MYO16: variants seen among roughly 807,000 people sequenced by gnomAD.
The protein encoded by MYO16 is unconventional myosin-XVI.
In MYO16, 94 loss-of-function variants were observed where a neutral mutation model predicts 205.3. That is an observed-to-expected ratio of 0.46 (90% CI 0.39 to 0.54). The LOEUF is 0.54. Ranked by LOEUF, MYO16 falls within the 20% of genes least tolerant of loss-of-function variation. The pLI is 0.00. For missense variants in MYO16, 2,315 were observed against 2,387.5 expected, an observed-to-expected ratio of 0.97 and a Z score of 0.63; for synonymous variants, 988 against 954.0, an observed-to-expected ratio of 1.04 and a Z score of -0.66.
intron 20 of MYO16, among the ~76,000 whole-genome samples, chr13:108,975,992 A>G (rs1456206821): frequency 1.3e-5 from 2 of 152,158 alleles, no homozygotes; most frequent in Non-Finnish European, 1.5e-5. Flanking sequence ...CCCACATGCA[A>G]TTCACCCTTA....
chr13:108,608,444 C>A (rs374133011), intron 1 of MYO16, among the ~76,000 whole-genome samples: 1 of 152,158 alleles, frequency 6.6e-6, no homozygotes, highest in East Asian at 1.9e-4. Context: ...TCGGACCTAG[C>A]CAGAACCCTT....
chr13:108,981,170 G>A (rs1884435439), intron 20 of MYO16, among the ~76,000 whole-genome samples: 1 of 152,202 alleles, frequency 6.6e-6, no homozygotes, highest in Non-Finnish European at 1.5e-5. Context: ...ATGTGAATAT[G>A]GACATGCCCC....
At chr13:109,015,835 A>C (rs542932622) in intron 22 of MYO16, among the ~76,000 whole-genome samples, 4 of 151,596 alleles carry the variant, frequency 2.6e-5, no homozygotes, top group African/African-American at 9.7e-5. Context: ...TATTGTGTCT[A>C]TTCTATTCTT....
intron 7 of MYO16, among the ~76,000 whole-genome samples, chr13:108,816,418 C>T (rs1029067967): frequency 6.9e-6 from 1 of 144,744 alleles, no homozygotes; most frequent in African/African-American, 2.5e-5. Flanking sequence ...TAGCGCCCCC[C>T]ACCCACCCCA....
chr13:109,076,306 GTTCTT>G (rs1250277813), intron 27 of MYO16, among the ~76,000 whole-genome samples: 1 of 151,740 alleles, frequency 6.6e-6, no homozygotes, highest in African/African-American at 2.4e-5. Context: ...GGTTTATTTA[GTTCTT>G]TTCTTTCCTA....
At chr13:108,645,589 G>T (rs185215207) in intron 1 of MYO16, among the ~76,000 whole-genome samples, 1 of 152,250 alleles carries the variant, frequency 6.6e-6, no homozygotes, top group East Asian at 1.9e-4. Context: ...CATCTACAAG[G>T]ATTCTGGGGA....
Position 109,162,387 on chromosome 13 carries a change from G to C in MYO16, c.5165-2514G>C, listed in dbSNP as rs1296758741. 6.6e-6 allele frequency among the ~76,000 whole-genome samples: 1 copy of C among 152,152 alleles called. No individual in the cohort carries two copies. Among genetic ancestry groups the C allele is most frequent in the African/African-American group, 2.4e-5 (1 of 41,430 alleles). ...AAAACCTCTCAGTTCCTCTTTGGTG[G>C]TTTCCCAGGCCCTGACTCATTAGTA... On this transcript the variant is annotated intron_variant, in intron 32 of 34. Transcript: ENST00000457511. This position sits in a 1 kb window ranked among gnomAD's most constrained non-coding sequence, Gnocchi z 4.6.
chr13:109,055,402 G>C lies in MYO16; in HGVS notation c.3142G>C (p.Asp1048His). ...CTTCTCTCCTTAGAAATCACTAATG[G>C]ATATTATTGGAAAACTTCAGAAGTG... is the stretch of plus-strand genomic sequence containing the variant. The part of the protein sequence containing the change: ...IASQLRKSLM[D>H]IIGKLQKCTP... The change falls in exon 27 of 35, where the codon GAT (aspartate) becomes CAT (histidine). Residue 1048 changes from aspartate to histidine, a missense_variant. This residue lies in a region of MYO16 where 1,213 missense variants were observed against 1,274.4 expected (regional missense o/e 0.95). Coordinates refer to ENST00000457511, the MANE Select transcript of MYO16 (RefSeq NM_001198950.3). This position sits in a 1 kb window ranked among gnomAD's most constrained non-coding sequence, Gnocchi z 5.0. 6.2e-7 allele frequency: 1 copy of C among 1,610,872 alleles called. No individual in the cohort carries two copies. The highest frequency in any genetic ancestry group is 2.2e-5 in the East Asian group (1 of 44,838).
chr13:108,969,891 G>C (rs1002863774), intron 20 of MYO16, among the ~76,000 whole-genome samples: 5 of 152,194 alleles, frequency 3.3e-5, no homozygotes, highest in African/African-American at 1.2e-4. Flanking sequence ...AGAGGATTTG[G>C]TGTAGAATTT....
chr13:108,855,243 T>G, intron 10 of MYO16, 200 bp from the exon 11 acceptor site: 1 of 405,524 alleles, frequency 2.5e-6, no homozygotes, highest in Non-Finnish European at 4.5e-6. Context: ...GCACAAAAAT[T>G]CTCATCTGAA....
At position 108,907,506 on chromosome 13, in the gene MYO16, C is replaced by T. The variant is rs1243454727; in HGVS notation, c.1778-2497C>T. 3.3e-5 allele frequency among the ~76,000 whole-genome samples: 5 copies of T among 152,156 alleles called. No homozygotes were observed. In the East Asian group the frequency reaches 7.7e-4, roughly 23 times the overall value. On this transcript the variant is annotated intron_variant, in intron 15 of 34. Coordinates refer to ENST00000457511, the MANE Select transcript of MYO16 (RefSeq NM_001198950.3). ...CTTTTTAACTTAGAAGCCCATCATA[C>T]TCCTTCCATTTTTACCGTTTCACTT...
At chr13:108,714,699 C>T (rs1047062495) in intron 3 of MYO16, among the ~76,000 whole-genome samples, 7 of 151,940 alleles carry the variant, frequency 4.6e-5, no homozygotes, top group African/African-American at 1.7e-4. Context: ...TTGTAAAGAC[C>T]ACCAAATCAA....
In MYO16 at chr13:108,738,183, G is replaced by A. The variant is rs565804044; in HGVS notation, c.507+10600G>A. On this transcript the variant is annotated intron_variant, in intron 4 of 34. Coordinates refer to ENST00000457511, the MANE Select transcript of MYO16 (RefSeq NM_001198950.3). ...TATCTCTTGCGTTCTGCTAGCTTTT[G>A]AATGTTTTTCTCTTGCTTCTCTAGT... 2.4e-3 allele frequency among the ~76,000 whole-genome samples: 13 copies of A among 5,392 alleles called. No individual in the cohort carries two copies. The East Asian group carries it at 0.34, about 142-fold the overall frequency. The allele number at this position is 5,392 out of a possible 152,430, so 3.5% of individuals were successfully genotyped here. A position where few individuals can be genotyped will look rare whatever the true frequency, so the allele number is the denominator to read the frequency against.
At chr13:108,965,311 A>G (rs4771620) in intron 20 of MYO16, among the ~76,000 whole-genome samples, 90,040 of 152,072 alleles carry the variant, frequency 0.59, 29,401 homozygotes, top group South Asian at 0.82. Context: ...TGGGTTTTGG[A>G]TCAGTAATTC....
intron 27 of MYO16, among the ~76,000 whole-genome samples, chr13:109,071,274 T>G (rs965690609): frequency 5.9e-5 from 9 of 152,186 alleles, no homozygotes; most frequent in Non-Finnish European, 1.5e-5. Flanking sequence ...AGTTCCCAAC[T>G]ACTGTCTCTA....
At chr13:109,179,686 A>G in intron 34 of MYO16, 53 bp downstream of exon 34, 2 of 1,425,562 alleles carry the variant, frequency 1.4e-6, no homozygotes, top group Non-Finnish European at 2.0e-6. Context: ...TTAAGTTATG[A>G]CAAGGCATTC....
At chr13:108,668,184 A>G (rs1881825149) in intron 2 of MYO16, among the ~76,000 whole-genome samples, 1 of 152,220 alleles carries the variant, frequency 6.6e-6, no homozygotes, top group Non-Finnish European at 1.5e-5. Flanking sequence ...TTATTATATA[A>G]GTTACGTTTC....
intron 2 of MYO16, among the ~76,000 whole-genome samples, chr13:108,696,088 G>T (rs1284101073): frequency 6.6e-6 from 1 of 152,118 alleles, no homozygotes; most frequent in Non-Finnish European, 1.5e-5. Context: ...ATCCATGGAC[G>T]ATAGCATTGC....
In MYO16 at chr13:109,127,375, G is replaced by T. The variant is rs776121170; in HGVS notation, c.3876G>T (p.Pro1292=). 6.2e-7 allele frequency: 1 copy of T among 1,613,752 alleles called. No homozygotes were observed. The highest frequency in any genetic ancestry group is 1.1e-5 in the South Asian group (1 of 90,970). The part of the protein sequence containing the change: ...VDGLGQCLVG[P]SIWSPSLHSV... ...GCCTGGGCCAGTGCCTCGTTGGCCC[G>T]TCCATCTGGTCTCCTTCGCTGCACT... is the stretch of plus-strand genomic sequence containing the variant. Residue 1292 remains proline (P), a synonymous_variant, in exon 31 of 35, where the codon CCG becomes CCT. Coordinates refer to ENST00000457511, the MANE Select transcript of MYO16 (RefSeq NM_001198950.3). The surrounding 1 kb of genome is among the most constrained non-coding windows in gnomAD (Gnocchi z 4.2).
Sources: allele counts gnomAD v4.1 joint callset (sites outside exome capture counted in the v4.1 genomes callset), GRCh38; gene constraint gnomAD v4.1.1; regional missense constraint gnomAD v4.1.1; non-coding constraint Gnocchi (gnomAD v3.1); transcripts MANE v1.5; gene names NCBI Gene and HGNC (gene_info 2026-07-23, HGNC 2026-07-21).